CCDC178: variants seen among roughly 807,000 people sequenced by gnomAD.
CCDC178 encodes coiled-coil domain-containing protein 178.
A neutral mutation model predicts 117.4 loss-of-function variants in CCDC178; 126 were observed. The observed-to-expected ratio is 1.07, with a 90% CI of 0.93 to 1.24. The LOEUF (loss-of-function observed/expected upper bound fraction) is 1.24. Among genes scored for constraint, CCDC178 ranks in the 50% most tolerant of loss-of-function variants. CCDC178 has a pLI of 0.00. For missense variants in CCDC178, 1,030 were observed against 986.9 expected (o/e 1.04, Z -0.59); for synonymous variants, 283 against 313.4 (o/e 0.90, Z 1.02).
At chr18:33,412,430 T>C (rs775366272) in intron 2 of CCDC178, among the ~76,000 whole-genome samples, 1 of 151,662 alleles carries the variant, frequency 6.6e-6, no homozygotes, top group Non-Finnish European at 1.5e-5. Context: ...TTCTAGAACC[T>C]ACAATGTTTT....
chr18:33,291,430 T>C (rs4340390), intron 12 of CCDC178, among the ~76,000 whole-genome samples: 10,723 of 152,070 alleles, frequency 0.071, 595 homozygotes, highest in African/African-American at 0.15. Context: ...GAAAAGGAAA[T>C]ACAAATCACC....
Position 33,245,344 on chromosome 18 carries a change from G to A in CCDC178, c.1494C>T (p.Ile498=), listed in dbSNP as rs1488657193. 6.2e-7 allele frequency: 1 copy of A among 1,608,558 alleles called. No individual in the cohort carries two copies. Among genetic ancestry groups the A allele is most frequent in the Middle Eastern group, 1.7e-4 (1 of 6,026 alleles). The change falls in exon 15 of 23, where the codon ATC becomes ATT. Residue 498 remains isoleucine, a synonymous_variant. Coordinates refer to ENST00000383096, the MANE Select transcript of CCDC178 (RefSeq NM_001105528.4). ...KLKNDKHLKN[I]YKEAYRIGTL... ...TACCAATGCGATAAGCCTCCTTATA[G>A]ATGTTCTTGAGATGTTTATCATTCT... is the stretch of plus-strand genomic sequence containing the variant.
intron 21 of CCDC178, among the ~76,000 whole-genome samples, chr18:33,021,149 G>T (rs1193570820): frequency 2.0e-5 from 3 of 152,054 alleles, no homozygotes; most frequent in African/African-American, 7.3e-5. Flanking sequence ...TGATAATGCA[G>T]AAATACATAA....
At chr18:32,986,457 C>T (rs1050927476) in intron 21 of CCDC178, among the ~76,000 whole-genome samples, 1 of 152,014 alleles carries the variant, frequency 6.6e-6, no homozygotes, top group African/African-American at 2.4e-5. Context: ...GATCTATTAA[C>T]TTCTAGTCAA....
rs189651842 is a variant in CCDC178, at chr18:33,430,735, T to C, written c.-23+9227A>G. Among the ~76,000 whole-genome samples the C allele has an allele frequency of 4.2e-4, 64 of 152,346 alleles. 2 individuals are homozygous for C. The East Asian group carries it at 6.9e-3, about 17-fold the overall frequency. On this transcript the variant is annotated intron_variant, in intron 2 of 22. Transcript: ENST00000383096. ...TGTTGGACTTTTGCAAAACATAGTCTAACCTGTTCTAATAGAGGGCTGCAC... is the reference window on the plus strand; with the variant it reads ...TGTTGGACTTTTGCAAAACATAGTCCAACCTGTTCTAATAGAGGGCTGCAC...
chr18:32,939,696 T>G (rs1244793655), intron 22 of CCDC178, among the ~76,000 whole-genome samples: 1 of 152,140 alleles, frequency 6.6e-6, no homozygotes. Flanking sequence ...CACCTGTATT[T>G]TATTTTGTGA....
intron 2 of CCDC178, among the ~76,000 whole-genome samples, chr18:33,421,476 G>A (rs767876992): frequency 6.6e-6 from 1 of 152,156 alleles, no homozygotes; most frequent in Non-Finnish European, 1.5e-5. Context: ...GCCAGTTGTG[G>A]TTTTGTTGGT....
chr18:33,227,781 C>T (rs1010114341), intron 15 of CCDC178, among the ~76,000 whole-genome samples: 2 of 151,690 alleles, frequency 1.3e-5, no homozygotes, highest in Non-Finnish European at 2.9e-5. Context: ...TTACCTCAAG[C>T]AAAAGAATAA....
At chr18:33,189,906 G>C (rs1185860123) in intron 20 of CCDC178, among the ~76,000 whole-genome samples, 2 of 152,074 alleles carry the variant, frequency 1.3e-5, no homozygotes, top group African/African-American at 4.8e-5. Context: ...CCCTAATCTT[G>C]GGTGGTCACC....
At chr18:32,953,297 C>G (rs958866314) in intron 22 of CCDC178, among the ~76,000 whole-genome samples, 2 of 152,240 alleles carry the variant, frequency 1.3e-5, no homozygotes, top group Non-Finnish European at 2.9e-5. Context: ...GACTGGACTT[C>G]ATTGTCTATA....
intron 12 of CCDC178, among the ~76,000 whole-genome samples, chr18:33,276,859 A>G (rs571748700): frequency 1.3e-5 from 2 of 152,324 alleles, no homozygotes; most frequent in South Asian, 2.1e-4. Context: ...GAGAAATATT[A>G]CATGAGCTTC....
chr18:33,324,313 G>A lies in CCDC178; in HGVS notation c.880-680C>T, dbSNP rs73955113. 9.2e-3 allele frequency among the ~76,000 whole-genome samples: 1,390 copies of A among 151,848 alleles called. 19 individuals are homozygous for A. The highest frequency in any genetic ancestry group is 0.031 in the African/African-American group (1,280 of 41,496). On this transcript the variant is annotated intron_variant, in intron 10 of 22. Transcript: ENST00000383096. ...TTATGCACAGTTTGACATGCACAACGCATGTATGAGGGACATATAACATCA... is the reference window on the plus strand; with the variant it reads ...TTATGCACAGTTTGACATGCACAACACATGTATGAGGGACATATAACATCA...
At chr18:32,972,244 C>A (rs543230065) in intron 22 of CCDC178, among the ~76,000 whole-genome samples, 1 of 152,200 alleles carries the variant, frequency 6.6e-6, no homozygotes, top group African/African-American at 2.4e-5. Flanking sequence ...TATGGCTAGC[C>A]AGTTTTCCCA....
At chr18:33,089,630 T>C (rs1426835051) in intron 21 of CCDC178, among the ~76,000 whole-genome samples, 2 of 152,180 alleles carry the variant, frequency 1.3e-5, no homozygotes, top group Admixed American at 1.3e-4. Context: ...TTAACACATT[T>C]TGGAAGCCAT....
chr18:32,973,838 G>A (rs1231881323), intron 22 of CCDC178, among the ~76,000 whole-genome samples: 1 of 152,058 alleles, frequency 6.6e-6, no homozygotes, highest in African/African-American at 2.4e-5. Flanking sequence ...AATAGAACAA[G>A]GTAGTATGTG....
chr18:32,943,279 G>A (rs1431493476), intron 22 of CCDC178, among the ~76,000 whole-genome samples: 1 of 152,112 alleles, frequency 6.6e-6, no homozygotes, highest in Non-Finnish European at 1.5e-5. Context: ...CTCTAAGGGA[G>A]AAAAATATTT....
intron 21 of CCDC178, chr18:32,983,256 G>C (rs953015663): frequency 7.5e-7 from 1 of 1,329,564 alleles, no homozygotes. Context: ...GCACGTGTAT[G>C]CATGGATTAA....
At chr18:33,179,290 G>T (rs2058707276) in intron 20 of CCDC178, among the ~76,000 whole-genome samples, 5 of 150,360 alleles carry the variant, frequency 3.3e-5, no homozygotes, top group Admixed American at 2.7e-4. Context: ...GAGAAAAAGA[G>T]CATAAAAATT....
At chr18:33,440,624 G>C (rs894896732) in intron 1 of CCDC178, 29 bp downstream of exon 1, 1 of 150,564 alleles carries the variant, frequency 6.6e-6, no homozygotes, top group Admixed American at 6.6e-5. Context: ...ACAAGCGCCC[G>C]CGCCGAGGCA....
Sources: allele counts gnomAD v4.1 joint callset (sites outside exome capture counted in the v4.1 genomes callset), GRCh38; gene constraint gnomAD v4.1.1; transcripts MANE v1.5; gene names NCBI Gene and HGNC (gene_info 2026-07-23, HGNC 2026-07-21).